The following SYTL5 variants were observed in gnomAD, a reference collection of about 807,000 sequenced individuals.
SYTL5 encodes the protein synaptotagmin-like protein 5.
A neutral mutation model predicts 55.9 loss-of-function variants in SYTL5; 34 were observed. That is an observed-to-expected ratio of 0.61 (90% CI 0.46 to 0.81). The LOEUF (loss-of-function observed/expected upper bound fraction) is 0.81. Among genes scored for constraint, SYTL5 ranks in the 30% least tolerant of loss-of-function variants. The probability of loss-of-function intolerance (pLI) is 0.00; values close to 1 mark genes in which losing one functional copy is unlikely to be tolerated. For missense variants in SYTL5, 637 were observed against 546.7 expected (o/e 1.17, Z -1.65); for synonymous variants, 221 against 188.7 (o/e 1.17, Z -1.40).
intron 2 of SYTL5, among the ~76,000 whole-genome samples, chrX:38,046,781 T>C (rs775129902): frequency 1.8e-5 from 2 of 111,698 alleles, no homozygotes; most frequent in Non-Finnish European, 3.8e-5. Flanking sequence ...GCCTGTAAAA[T>C]CAAAAGCAAG....
At chrX:38,122,827 A>C (rs1250420343) in intron 15 of SYTL5, among the ~76,000 whole-genome samples, 2 of 112,409 alleles carry the variant, frequency 1.8e-5, no homozygotes, top group African/African-American at 6.5e-5. Flanking sequence ...TGACTACTGG[A>C]TATTTTTCTC....
intron 3 of SYTL5, among the ~76,000 whole-genome samples, chrX:38,059,711 G>A (rs925756105): frequency 1.8e-5 from 2 of 110,932 alleles, no homozygotes; most frequent in African/African-American, 6.5e-5. Flanking sequence ...TTGTTTGTTT[G>A]TTTGCTTGTT....
At chrX:38,119,795 A>G (rs748113630) in intron 13 of SYTL5, among the ~76,000 whole-genome samples, 8 of 112,329 alleles carry the variant, frequency 7.1e-5, no homozygotes, top group Non-Finnish European at 1.5e-4. Context: ...CTACATTCCC[A>G]CCAACAATGT....
chrX:37,952,286 T>G, the SYTL5 span, among the ~76,000 whole-genome samples: 1 of 111,814 alleles, frequency 8.9e-6, no homozygotes. Flanking sequence ...GCACTTGGGT[T>G]TGTCTAGCCC....
At chrX:37,915,668 A>G in the SYTL5 span, among the ~76,000 whole-genome samples, 1 of 111,930 alleles carries the variant, frequency 8.9e-6, no homozygotes, top group Non-Finnish European at 1.9e-5. Context: ...TGCTAATACT[A>G]CTGTGGTTTG....
chrX:37,925,530 C>T, the SYTL5 span, among the ~76,000 whole-genome samples: 1 of 111,669 alleles, frequency 9.0e-6, no homozygotes, highest in East Asian at 2.8e-4. Context: ...TTTTCTCTGC[C>T]AGCATTTTAA....
At chrX:38,039,538 G>A (rs1447038661) in intron 2 of SYTL5, among the ~76,000 whole-genome samples, 2 of 111,719 alleles carry the variant, frequency 1.8e-5, no homozygotes, top group Non-Finnish European at 3.8e-5. Flanking sequence ...TACTCTACTT[G>A]ATCTCTCACA....
Position 38,045,284 on chromosome X carries a change from G to A in SYTL5, c.120-8929G>A, listed in dbSNP as rs1053442010. Among the ~76,000 whole-genome samples, 8 of 112,023 alleles carry A rather than the reference G, an allele frequency of 7.1e-5. No individual in the cohort carries two copies. In the Admixed American group the frequency reaches 7.6e-4, roughly 11 times the overall value. On this transcript the variant is annotated intron_variant, in intron 2 of 16. Transcript: ENST00000297875. ...TGAATGCTTGAGTCATTGTCCCTTTGCATATATGAGCACATTTAATGTTTC... is the reference window on the plus strand; with the variant it reads ...TGAATGCTTGAGTCATTGTCCCTTTACATATATGAGCACATTTAATGTTTC...
At chrX:38,054,091 C>A in intron 2 of SYTL5, 122 bp from the exon 3 acceptor site, 1 of 512,707 alleles carries the variant, frequency 2.0e-6, no homozygotes, top group Non-Finnish European at 3.2e-6. Context: ...TGGTGGTCCC[C>A]AGTTTAAAGC....
At chrX:38,005,134 G>T (rs979624928), upstream of SYTL5, among the ~76,000 whole-genome samples, 2 of 111,425 alleles carry the variant, frequency 1.8e-5, no homozygotes, top group Non-Finnish European at 3.8e-5. Flanking sequence ...AGAATTTGTA[G>T]GTTGATCTCC....
At chrX:37,911,898 G>A in the SYTL5 span, among the ~76,000 whole-genome samples, 3 of 111,479 alleles carry the variant, frequency 2.7e-5, no homozygotes, top group African/African-American at 9.8e-5. Flanking sequence ...ATTTTAAATT[G>A]TTCTTAAAGC....
At position 38,126,868 on chromosome X, in the gene SYTL5, A is replaced by G. The variant is rs1937665533; in HGVS notation, c.*138A>G. The stretch of plus-strand genomic sequence containing the variant: ...GTTGGGACATGAGGGGAGAGATGTC[A>G]GTAGTATGAACATTTAGGGTCTTGC... On this transcript the variant is annotated 3_prime_UTR_variant, in exon 17 of 17. Coordinates refer to ENST00000297875, the MANE Select transcript of SYTL5 (RefSeq NM_138780.3). 1 of 613,924 alleles carries G rather than the reference A, an allele frequency of 1.6e-6. No homozygotes were observed. The highest frequency in any genetic ancestry group is 2.3e-5 in the African/African-American group (1 of 44,340). 50.6% of individuals were successfully genotyped at this position (613,924 alleles called of 1,213,427 possible).
chrX:37,933,891 G>T, the SYTL5 span, among the ~76,000 whole-genome samples: 1 of 111,071 alleles, frequency 9.0e-6, no homozygotes, highest in African/African-American at 3.3e-5. Flanking sequence ...CTCTCTGCCT[G>T]AGTGTTGAGG....
chrX:38,105,826 T>C (rs1937195935), intron 10 of SYTL5, among the ~76,000 whole-genome samples: 1 of 112,573 alleles, frequency 8.9e-6, no homozygotes, highest in Admixed American at 9.4e-5. Flanking sequence ...AATTAAAAGC[T>C]GTCTCATGTC....
chrX:37,944,968 A>G, the SYTL5 span, among the ~76,000 whole-genome samples: 1 of 112,629 alleles, frequency 8.9e-6, no homozygotes, highest in East Asian at 2.8e-4. Context: ...TCCTATACTA[A>G]TAATTAAATA....
At chrX:37,955,149 TA>T in the SYTL5 span, among the ~76,000 whole-genome samples, 1 of 111,045 alleles carries the variant, frequency 9.0e-6, no homozygotes, top group East Asian at 2.8e-4. Flanking sequence ...AATGTGGTTA[TA>T]AAAAAATCAG....
chrX:37,911,054 C>T, the SYTL5 span, among the ~76,000 whole-genome samples: 61 of 104,233 alleles, frequency 5.9e-4, no homozygotes, highest in Non-Finnish European at 1.0e-3. Flanking sequence ...CAACCTCTGC[C>T]TCCCAGGTTC....
the SYTL5 span, among the ~76,000 whole-genome samples, chrX:37,927,691 G>T: frequency 9.0e-6 from 1 of 111,117 alleles, no homozygotes; most frequent in Non-Finnish European, 1.9e-5. Context: ...CAGGAGAATT[G>T]CTTTAACCCA....
chrX:38,092,221 G>T (rs1250333699), intron 7 of SYTL5, among the ~76,000 whole-genome samples: 4 of 111,785 alleles, frequency 3.6e-5, no homozygotes, highest in Non-Finnish European at 5.6e-5. Context: ...ATTAGTCAGG[G>T]ATCTCCACAG....
Sources: allele counts gnomAD v4.1 joint callset (sites outside exome capture counted in the v4.1 genomes callset), GRCh38; gene constraint gnomAD v4.1.1; transcripts MANE v1.5; gene names NCBI Gene and HGNC (gene_info 2026-07-23, HGNC 2026-07-21).